FSTL5: variants seen among roughly 807,000 people sequenced by gnomAD.
FSTL5 encodes the protein follistatin like 5, also known as follistatin-related protein 5.
Under a neutral mutation model 89.1 loss-of-function variants are expected in FSTL5, and 62 were observed. That is an observed-to-expected ratio of 0.70 (90% confidence interval 0.57 to 0.86). FSTL5 has a LOEUF of 0.86. Among genes scored for constraint, FSTL5 ranks in the 40% least tolerant of loss-of-function variants. FSTL5 has a pLI of 0.00. For synonymous variants in FSTL5, 383 were observed against 346.2 expected (o/e 1.11, Z -1.18); for missense variants, 1,057 against 1,001.6 (o/e 1.06, Z -0.75).
intron 1 of FSTL5, among the ~76,000 whole-genome samples, chr4:162,145,557 A>G (rs1208428779): frequency 6.6e-6 from 1 of 152,132 alleles, no homozygotes; most frequent in African/African-American, 2.4e-5. Flanking sequence ...AGAGTAGCCT[A>G]TCTCATGACA....
At chr4:161,996,003 G>T (rs1020042467) in intron 3 of FSTL5, among the ~76,000 whole-genome samples, 2 of 152,030 alleles carry the variant, frequency 1.3e-5, no homozygotes, top group Non-Finnish European at 2.9e-5. Flanking sequence ...CAAGATAAAA[G>T]AACACTGGAG....
At chr4:162,057,462 T>G (rs888545696) in intron 2 of FSTL5, among the ~76,000 whole-genome samples, 2 of 152,306 alleles carry the variant, frequency 1.3e-5, no homozygotes, top group South Asian at 4.1e-4. Flanking sequence ...ATATTTCCTG[T>G]TTTTATATAG....
At chr4:161,769,539 A>G (rs1422113351) in intron 5 of FSTL5, among the ~76,000 whole-genome samples, 2 of 152,058 alleles carry the variant, frequency 1.3e-5, no homozygotes, top group African/African-American at 2.4e-5. Context: ...AACTTACTCA[A>G]ATAAATCAAT....
At chr4:161,655,172 G>T (rs1463508380) in intron 7 of FSTL5, among the ~76,000 whole-genome samples, 1 of 151,994 alleles carries the variant, frequency 6.6e-6, no homozygotes, top group South Asian at 2.1e-4. Context: ...AACCATAAGG[G>T]CATTAAATAG....
At chr4:162,004,801 C>A (rs918488694) in intron 3 of FSTL5, among the ~76,000 whole-genome samples, 2 of 152,018 alleles carry the variant, frequency 1.3e-5, no homozygotes, top group African/African-American at 4.8e-5. Flanking sequence ...TAGTAATGAT[C>A]ACTATGTAAC....
chr4:161,779,744 G>GTATTATTT (rs1553965217), intron 4 of FSTL5, among the ~76,000 whole-genome samples: 1 of 55,226 alleles, frequency 1.8e-5, no homozygotes, highest in Non-Finnish European at 2.8e-5. Flanking sequence ...ATTTGTCCAA[G>GTATTATTT]GATTATTTGT....
At chr4:161,831,142 C>T (rs1730831312) in intron 4 of FSTL5, among the ~76,000 whole-genome samples, 1 of 151,718 alleles carries the variant, frequency 6.6e-6, no homozygotes, top group Non-Finnish European at 1.5e-5. Context: ...CTATGTGAAA[C>T]GATGGCTATG....
At chr4:161,692,819 G>A (rs1470553666) in intron 6 of FSTL5, among the ~76,000 whole-genome samples, 2 of 152,102 alleles carry the variant, frequency 1.3e-5, no homozygotes, top group African/African-American at 4.8e-5. Flanking sequence ...CAACTCCCTA[G>A]TTCAAGTGAT....
At chr4:161,496,787 A>AAGATAGAGATAGAGATAG (rs70937658) in intron 12 of FSTL5, among the ~76,000 whole-genome samples, 14,001 of 143,622 alleles carry the variant, frequency 0.097, 796 homozygotes, top group South Asian at 0.12. Flanking sequence ...GATAGAGAAA[A>AAGATAGAGATAGAGATAG]AGATAGAGAT....
intron 7 of FSTL5, among the ~76,000 whole-genome samples, chr4:161,590,930 C>T (rs1316258349): frequency 6.6e-6 from 1 of 152,070 alleles, no homozygotes; most frequent in African/African-American, 2.4e-5. Context: ...TAACTGTATG[C>T]AAATGTGCAT....
intron 2 of FSTL5, among the ~76,000 whole-genome samples, chr4:162,099,710 C>T (rs1730910836): frequency 6.6e-6 from 1 of 152,086 alleles, no homozygotes; most frequent in Admixed American, 6.5e-5. Flanking sequence ...ATACAATGAA[C>T]ATGAAAAACA....
At chr4:161,800,832 A>G (rs978009534) in intron 4 of FSTL5, among the ~76,000 whole-genome samples, 10 of 151,560 alleles carry the variant, frequency 6.6e-5, no homozygotes, top group African/African-American at 2.2e-4. Context: ...ATAAACAAAT[A>G]TTTTTATGAC....
At chr4:161,808,356 C>T (rs1730033439) in intron 4 of FSTL5, among the ~76,000 whole-genome samples, 2 of 152,114 alleles carry the variant, frequency 1.3e-5, no homozygotes, top group South Asian at 4.1e-4. Context: ...AAAGCAAGAA[C>T]TGTACAGAGT....
chr4:161,930,896 G>A (rs9992594), intron 3 of FSTL5, among the ~76,000 whole-genome samples: 137,671 of 151,752 alleles, frequency 0.91, 63,646 homozygotes, highest in Non-Finnish European at 1. Context: ...CAAAAGACAC[G>A]GAGTCAATCT....
intron 15 of FSTL5, among the ~76,000 whole-genome samples, chr4:161,415,850 C>A (rs1731763569): frequency 8.0e-6 from 1 of 125,442 alleles, no homozygotes; most frequent in Admixed American, 8.4e-5. Flanking sequence ...ATATATATAT[C>A]ATTTCAAAGC....
intron 13 of FSTL5, among the ~76,000 whole-genome samples, chr4:161,460,639 C>G (rs910971063): frequency 6.6e-6 from 1 of 152,182 alleles, no homozygotes; most frequent in Non-Finnish European, 1.5e-5. Context: ...TAAGGCATCT[C>G]TTTTCGAAAA....
intron 6 of FSTL5, among the ~76,000 whole-genome samples, chr4:161,726,381 C>A (rs35704987): frequency 0.57 from 86,314 of 151,444 alleles, 27,654 homozygotes; most frequent in Non-Finnish European, 0.72. Context: ...AGCATGCCAC[C>A]ACGCCCGGCT....
Position 161,429,104 on chromosome 4 carries a change from G to A in FSTL5, c.1841+25900C>T, listed in dbSNP as rs576288879. Among the ~76,000 whole-genome samples the A allele has an allele frequency of 2.6e-5, 4 of 152,134 alleles. No homozygotes were observed. In the East Asian group the frequency reaches 7.8e-4, roughly 30 times the overall value. On this transcript the variant is annotated intron_variant, in intron 15 of 15. Coordinates refer to ENST00000306100, the MANE Select transcript of FSTL5 (RefSeq NM_020116.5). ...TGCTCACTGCAGGCCTGGGGCAGTG[G>A]GGACCACAAGGAGAAGAGTGAAAAT...
chr4:161,591,048 GATAA>G (rs1733802537), intron 7 of FSTL5, among the ~76,000 whole-genome samples: 1 of 152,158 alleles, frequency 6.6e-6, no homozygotes, highest in Non-Finnish European at 1.5e-5. Flanking sequence ...TGGATGAATG[GATAA>G]ATAAAATGTA....
Sources: allele counts gnomAD v4.1 joint callset (sites outside exome capture counted in the v4.1 genomes callset), GRCh38; gene constraint gnomAD v4.1.1; transcripts MANE v1.5; gene names NCBI Gene and HGNC (gene_info 2026-07-23, HGNC 2026-07-21).